The following TNRC6B variants were observed in gnomAD, a reference collection of about 807,000 sequenced individuals.
TNRC6B encodes trinucleotide repeat-containing gene 6B protein.
Under a neutral mutation model 203.6 loss-of-function variants are expected in TNRC6B, and 52 were observed. The observed-to-expected ratio is 0.26, with a 90% confidence interval of 0.20 to 0.32. The LOEUF is 0.32. TNRC6B is among the 10% of genes least tolerant of loss of function. The probability of loss-of-function intolerance (pLI) is 1.00; values close to 1 mark genes in which losing one functional copy is unlikely to be tolerated. For missense variants in TNRC6B, 1,923 were observed against 2,286.2 expected, an observed-to-expected ratio of 0.84 and a Z score of 3.24; for synonymous variants, 838 against 845.7, an observed-to-expected ratio of 0.99 and a Z score of 0.16.
Position 40,301,269 on chromosome 22 carries a change from C to T in TNRC6B, c.4056C>T (p.Pro1352=). ...AGCCGCATCTGGACAACATGGTACCCAACGCATTGAATGTGGGGCTCCCAG... is the reference window on the plus strand; with the variant it reads ...AGCCGCATCTGGACAACATGGTACCTAACGCATTGAATGTGGGGCTCCCAG... The part of the protein sequence containing the change: ...GPKPHLDNMV[P]NALNVGLPDL... The change falls in exon 15 of 23, where the codon CCC becomes CCT. Residue 1352 remains proline (P), a synonymous_variant. Transcript: ENST00000454349. 1.3e-6 allele frequency: 2 copies of T among 1,590,404 alleles called. No individual in the cohort carries two copies. Among genetic ancestry groups the T allele is most frequent in the Non-Finnish European group, 1.7e-6 (2 of 1,167,440 alleles).
At chr22:40,231,883 T>C (rs868357713) in intron 1 of TNRC6B, among the ~76,000 whole-genome samples, 16 of 152,348 alleles carry the variant, frequency 1.1e-4, no homozygotes, top group Middle Eastern at 6.8e-3. Flanking sequence ...TATGTGTCTT[T>C]TTGCAACTGT....
At chr22:40,083,864 A>G (rs926762541) in intron 1 of TNRC6B, among the ~76,000 whole-genome samples, 1 of 152,182 alleles carries the variant, frequency 6.6e-6, no homozygotes, top group Non-Finnish European at 1.5e-5. Context: ...AGTCATTGAC[A>G]TTAGCTTAAA....
At chr22:40,061,828 C>T (rs1284459056) in intron 1 of TNRC6B, among the ~76,000 whole-genome samples, 1 of 152,128 alleles carries the variant, frequency 6.6e-6, no homozygotes, top group African/African-American at 2.4e-5. Flanking sequence ...AATCCCAGCA[C>T]TTTGGGAGGC....
intron 1 of TNRC6B, among the ~76,000 whole-genome samples, chr22:40,230,464 G>GA (rs2069853402): frequency 1.3e-5 from 2 of 151,300 alleles, no homozygotes; most frequent in South Asian, 4.2e-4. Context: ...GCTAATTTTT[G>GA]TTTTTTTAGT....
At chr22:40,156,261 TTGTCA>T in intron 4 of TNRC6B, 1 of 1,395,826 alleles carries the variant, frequency 7.2e-7, no homozygotes, top group Non-Finnish European at 9.9e-7. Context: ...ATAAGCGTGT[TTGTCA>T]GAGATGTATA....
chr22:40,300,823 G>T, intron 13 of TNRC6B, 87 bp from the exon 14 acceptor site: 1 of 1,347,182 alleles, frequency 7.4e-7, no homozygotes, highest in South Asian at 1.3e-5. Flanking sequence ...TGTGTGACCT[G>T]TACTTCAGTG....
At chr22:40,175,127 C>T (rs1032584865), upstream of TNRC6B, among the ~76,000 whole-genome samples, 81 of 151,866 alleles carry the variant, frequency 5.3e-4, no homozygotes, top group African/African-American at 1.9e-3. Context: ...GGGAGGCTGA[C>T]GTGGGCAGAT....
chr22:40,297,052 C>T (rs551526104), intron 12 of TNRC6B, among the ~76,000 whole-genome samples: 8 of 152,200 alleles, frequency 5.3e-5, no homozygotes, highest in Non-Finnish European at 1.0e-4. Context: ...CTTTTGAGTA[C>T]GTATGGCAGT....
intron 1 of TNRC6B, among the ~76,000 whole-genome samples, chr22:40,071,876 G>T (rs1228489672): frequency 6.6e-6 from 1 of 152,054 alleles, no homozygotes; most frequent in African/African-American, 2.4e-5. Context: ...TGTTTGTTTC[G>T]AGACCGGATC....
At chr22:40,067,053 G>A (rs2067900317) in intron 1 of TNRC6B, among the ~76,000 whole-genome samples, 2 of 151,906 alleles carry the variant, frequency 1.3e-5, no homozygotes, top group South Asian at 4.1e-4. Flanking sequence ...ACGGGCACAT[G>A]CCACCATGCC....
intron 5 of TNRC6B, among the ~76,000 whole-genome samples, chr22:40,269,362 G>T (rs1052454479): frequency 6.6e-6 from 1 of 151,826 alleles, no homozygotes; most frequent in African/African-American, 2.4e-5. Flanking sequence ...TTGAACTCCT[G>T]ACCTCAGGAG....
intron 10 of TNRC6B, 40 bp downstream of exon 10, chr22:40,280,183 A>C (rs758683601): frequency 2.5e-6 from 4 of 1,588,750 alleles, no homozygotes; most frequent in Non-Finnish European, 2.6e-6. Context: ...ATTCATGAGA[A>C]CCGCTTTGGT....
Position 40,324,790 on chromosome 22 carries a change from G to A in TNRC6B, c.*1549G>A, listed in dbSNP as rs1344766477. ...AACTTAGCGAAGACTTTTAAGTATT[G>A]CACCTTTTTTTGATTTTTGACCTCT... On this transcript the variant is annotated 3_prime_UTR_variant, in exon 23 of 23. Coordinates refer to ENST00000454349, the MANE Select transcript of TNRC6B (RefSeq NM_001162501.2). The A allele has an allele frequency of 6.6e-6, 1 of 151,910 alleles. No individual in the cohort carries two copies. Among genetic ancestry groups the A allele is most frequent in the Non-Finnish European group, 1.5e-5 (1 of 67,914 alleles). The allele number at this position is 151,910 out of a possible 1,614,324, so 9.4% of individuals were successfully genotyped here.
chr22:40,220,298 T>C (rs1021522520), intron 1 of TNRC6B, among the ~76,000 whole-genome samples: 3 of 152,172 alleles, frequency 2.0e-5, no homozygotes, highest in African/African-American at 7.2e-5. Flanking sequence ...AGCCAGAATG[T>C]AATTCCCAGT....
At chr22:40,158,654 G>T (rs545075481) in intron 4 of TNRC6B, among the ~76,000 whole-genome samples, 1 of 152,118 alleles carries the variant, frequency 6.6e-6, no homozygotes, top group Admixed American at 6.6e-5. Context: ...GCCATGTGTC[G>T]TATCCTTACC....
rs187406715 is a variant in TNRC6B, at chr22:40,231,572, T to C, written c.6-14443T>C. Among the ~76,000 whole-genome samples, 268 of 152,302 alleles carry C rather than the reference T, an allele frequency of 1.8e-3. 2 individuals are homozygous for C. The highest frequency in any genetic ancestry group is 5.3e-3 in the African/African-American group (222 of 41,568). On this transcript the variant is annotated intron_variant, in intron 1 of 22. Coordinates refer to ENST00000454349, the MANE Select transcript of TNRC6B (RefSeq NM_001162501.2). Reference sequence around the variant, plus strand: ...TGATTGTTCCTAGTATGTAAAAATGTAATTAGTTTTTTTATATTGATCTTG... The same window carrying C: ...TGATTGTTCCTAGTATGTAAAAATGCAATTAGTTTTTTTATATTGATCTTG...
At chr22:40,142,049 C>T (rs940934757) in intron 3 of TNRC6B, among the ~76,000 whole-genome samples, 6 of 150,646 alleles carry the variant, frequency 4.0e-5, no homozygotes, top group African/African-American at 7.3e-5. Context: ...TGTGAGCCAC[C>T]GCGCCTGGCC....
intron 3 of TNRC6B, among the ~76,000 whole-genome samples, chr22:40,260,781 G>A (rs192540151): frequency 6.6e-6 from 1 of 152,154 alleles, no homozygotes. Context: ...AATGTTGATT[G>A]CTTCCCTCTC....
chr22:40,163,844 A>T (rs1050312626), intron 4 of TNRC6B, among the ~76,000 whole-genome samples: 50 of 152,174 alleles, frequency 3.3e-4, no homozygotes, highest in African/African-American at 1.2e-3. Context: ...TATTTTATTT[A>T]ATTTTATAAA....
Sources: allele counts gnomAD v4.1 joint callset (sites outside exome capture counted in the v4.1 genomes callset), GRCh38; gene constraint gnomAD v4.1.1; transcripts MANE v1.5; gene names NCBI Gene and HGNC (gene_info 2026-07-23, HGNC 2026-07-21).